The following MIPEP variants were observed in gnomAD, a reference collection of about 807,000 sequenced individuals.
MIPEP encodes the protein mitochondrial intermediate peptidase.
Under a neutral mutation model 90.3 loss-of-function variants are expected in MIPEP, and 79 were observed. The ratio of observed to expected loss-of-function variants is 0.87; its 90% CI spans 0.73 to 1.05. The LOEUF (loss-of-function observed/expected upper bound fraction) is 1.05. Among genes scored for constraint, MIPEP ranks in the 50% least tolerant of loss-of-function variants. MIPEP has a pLI of 0.00. For synonymous variants in MIPEP, 334 were observed against 315.8 expected, an observed-to-expected ratio of 1.06 and a Z score of -0.61; for missense variants, 940 against 905.6, an observed-to-expected ratio of 1.04 and a Z score of -0.49.
At chr13:23,864,408 A>G (rs1870437067) in intron 7 of MIPEP, among the ~76,000 whole-genome samples, 1 of 152,168 alleles carries the variant, frequency 6.6e-6, no homozygotes, top group Non-Finnish European at 1.5e-5. Flanking sequence ...TGGCATACTA[A>G]TAATCCACAG....
At chr13:23,839,527 T>C in intron 12 of MIPEP, 122 bp downstream of exon 12, 1 of 519,792 alleles carries the variant, frequency 1.9e-6, no homozygotes, top group South Asian at 5.5e-5. Flanking sequence ...ATGTATATAT[T>C]TGGTAACCAT....
chr13:23,804,730 G>A (rs796885581), intron 16 of MIPEP, among the ~76,000 whole-genome samples: 11 of 152,284 alleles, frequency 7.2e-5, no homozygotes, highest in African/African-American at 2.4e-4. Context: ...ATGCATATTT[G>A]AGCATTAGGA....
At chr13:23,783,965 T>G (rs1952809266) in intron 16 of MIPEP, among the ~76,000 whole-genome samples, 1 of 152,072 alleles carries the variant, frequency 6.6e-6, no homozygotes, top group Non-Finnish European at 1.5e-5. Context: ...TATAAACAAA[T>G]GGAAGAACAT....
chr13:23,862,337 G>GT lies in MIPEP; in HGVS notation c.1017dup (p.Arg340ThrfsTer32). The GT allele has an allele frequency of 6.3e-7, 1 of 1,583,210 alleles. No homozygotes were observed. Among genetic ancestry groups the GT allele is most frequent in the South Asian group, 1.1e-5 (1 of 87,778 alleles). On this transcript the variant is annotated frameshift_variant, in exon 9 of 19. Coordinates refer to ENST00000382172, the MANE Select transcript of MIPEP (RefSeq NM_005932.4). LOFTEE classifies it high-confidence loss of function. The stretch of plus-strand genomic sequence containing the variant: ...GGATTCAGTTTCATTTTCATCCCTC[G>GT]TATCATCTCAAAATCTTTCAGAGTT...
At chr13:23,798,890 C>T (rs1056429640) in intron 16 of MIPEP, among the ~76,000 whole-genome samples, 2 of 151,820 alleles carry the variant, frequency 1.3e-5, no homozygotes, top group African/African-American at 2.4e-5. Flanking sequence ...ACCTCTTTTC[C>T]GTATAAATTA....
At chr13:23,739,003 C>G (rs548385263) in intron 18 of MIPEP, among the ~76,000 whole-genome samples, 1 of 152,298 alleles carries the variant, frequency 6.6e-6, no homozygotes, top group South Asian at 2.1e-4. Flanking sequence ...AATGAGATGT[C>G]GTTTCTCTCA....
chr13:23,778,872 C>T (rs1223021064), intron 16 of MIPEP, among the ~76,000 whole-genome samples: 1 of 152,188 alleles, frequency 6.6e-6, no homozygotes, highest in African/African-American at 2.4e-5. Context: ...CCTGATTCTA[C>T]AACACCACAC....
chr13:23,816,878 T>C (rs980433162), intron 14 of MIPEP, among the ~76,000 whole-genome samples: 25 of 152,198 alleles, frequency 1.6e-4, no homozygotes, highest in East Asian at 3.9e-4. Context: ...ATATTCCAGA[T>C]TGATATTCCA....
rs185436069 is a variant in MIPEP, at chr13:23,786,947, G to A, written c.1848+19003C>T. The stretch of plus-strand genomic sequence containing the variant: ...AGTACACAATCTTGAACACAAGGAG[G>A]GTCTGGGGCAAGATTTCAGAGCAAG... On this transcript the variant is annotated intron_variant, in intron 16 of 18. Transcript: ENST00000382172. 5.3e-5 allele frequency among the ~76,000 whole-genome samples: 8 copies of A among 152,232 alleles called. No homozygotes were observed. The East Asian group carries it at 1.5e-3, about 29-fold the overall frequency.
At chr13:23,839,341 A>C (rs955816835) in intron 12 of MIPEP, among the ~76,000 whole-genome samples, 1 of 152,184 alleles carries the variant, frequency 6.6e-6, no homozygotes, top group African/African-American at 2.4e-5. Context: ...GCGAACATTA[A>C]AAGGCTGATG....
At chr13:23,812,413 A>G (rs575784567) in intron 14 of MIPEP, among the ~76,000 whole-genome samples, 1 of 152,200 alleles carries the variant, frequency 6.6e-6, no homozygotes, top group South Asian at 2.1e-4. Context: ...AGCAGAGGAC[A>G]GGAAAGGAGG....
At chr13:23,801,871 T>C (rs1349255560) in intron 16 of MIPEP, among the ~76,000 whole-genome samples, 1 of 152,214 alleles carries the variant, frequency 6.6e-6, no homozygotes, top group East Asian at 1.9e-4. Context: ...CACCTTTTTT[T>C]TAACTACTTA....
At chr13:23,827,974 C>T (rs1868547059) in intron 14 of MIPEP, among the ~76,000 whole-genome samples, 1 of 152,082 alleles carries the variant, frequency 6.6e-6, no homozygotes, top group Non-Finnish European at 1.5e-5. Flanking sequence ...AAAGCCAGCT[C>T]TGCATTAAAA....
intron 15 of MIPEP, among the ~76,000 whole-genome samples, chr13:23,808,771 A>G (rs1193296903): frequency 2.6e-5 from 4 of 152,242 alleles, no homozygotes; most frequent in Non-Finnish European, 5.9e-5. Context: ...TGAGTAAGGT[A>G]AAGCAAATAT....
intron 16 of MIPEP, among the ~76,000 whole-genome samples, chr13:23,768,892 T>A (rs916431120): frequency 3.9e-5 from 6 of 152,168 alleles, no homozygotes; most frequent in African/African-American, 1.4e-4. Context: ...AAATACAGGA[T>A]TGTGTCTATC....
rs184961769 is a variant in MIPEP, at chr13:23,817,762, G to T, written c.1654-7838C>A. Among the ~76,000 whole-genome samples, 3 of 152,148 alleles carry T rather than the reference G, an allele frequency of 2.0e-5. 1 individual carries two copies. Among genetic ancestry groups the T allele is most frequent in the Non-Finnish European group, 4.4e-5 (3 of 68,012 alleles). ...TTCGATCCTGTGATTCAGGTATGCT[G>T]CCCCTTGATGGCAAAGGCACTTCCA... On this transcript the variant is annotated intron_variant, in intron 14 of 18. Transcript: ENST00000382172.
chr13:23,755,345 G>A (rs1026600435), intron 18 of MIPEP, among the ~76,000 whole-genome samples: 3 of 152,176 alleles, frequency 2.0e-5, no homozygotes, highest in Non-Finnish European at 4.4e-5. Context: ...ATGGCTGAAG[G>A]CACTGCACAA....
At chr13:23,846,299 AG>A (rs1869536299) in intron 10 of MIPEP, among the ~76,000 whole-genome samples, 1 of 152,184 alleles carries the variant, frequency 6.6e-6, no homozygotes. Context: ...ATGGGGGAAT[AG>A]CTGCTATTAG....
intron 18 of MIPEP, among the ~76,000 whole-genome samples, chr13:23,731,651 A>G (rs912063135): frequency 1.1e-4 from 16 of 152,234 alleles, no homozygotes; most frequent in African/African-American, 3.6e-4. Flanking sequence ...CAAAATTTAA[A>G]ATGTCTCTTG....
Sources: allele counts gnomAD v4.1 joint callset (sites outside exome capture counted in the v4.1 genomes callset), GRCh38; gene constraint gnomAD v4.1.1; transcripts MANE v1.5; gene names NCBI Gene and HGNC (gene_info 2026-07-23, HGNC 2026-07-21).